The following CSMD1 variants were observed in gnomAD, a reference collection of about 807,000 sequenced individuals.
CSMD1 encodes the protein CUB and Sushi multiple domains 1, also known as CUB and sushi domain-containing protein 1.
In CSMD1, 213 loss-of-function variants were observed where a neutral mutation model predicts 417.5. The observed-to-expected ratio is 0.51, with a 90% CI of 0.46 to 0.57. The LOEUF (loss-of-function observed/expected upper bound fraction) is 0.57. Among genes scored for constraint, CSMD1 ranks in the 20% least tolerant of loss-of-function variants. The pLI is 0.00. For missense variants in CSMD1, 6,923 were observed against 4,529.7 expected (o/e 1.53, Z -15.17); for synonymous variants, 2,862 against 1,736.8 (o/e 1.65, Z -16.11).
At chr8:4,979,462 G>A (rs766057289) in intron 1 of CSMD1, among the ~76,000 whole-genome samples, 3 of 152,110 alleles carry the variant, frequency 2.0e-5, no homozygotes, top group Non-Finnish European at 4.4e-5. Flanking sequence ...GCCGTCAAAG[G>A]TACCTTTAGA....
At chr8:4,050,772 T>C (rs1798383701) in intron 3 of CSMD1, among the ~76,000 whole-genome samples, 1 of 152,292 alleles carries the variant, frequency 6.6e-6, no homozygotes, top group South Asian at 2.1e-4. Context: ...TGACCAAGTG[T>C]ATAAAATTCA....
In CSMD1 at chr8:3,015,536, A is replaced by T. The variant is rs1585153751; in HGVS notation, c.8029+2941T>A. Among the ~76,000 whole-genome samples, 3 of 152,126 alleles carry T rather than the reference A, an allele frequency of 2.0e-5. No homozygotes were observed. In the East Asian group the frequency reaches 5.8e-4, roughly 29 times the overall value. The stretch of plus-strand genomic sequence containing the variant: ...TCAGAATCACTTCTGAATAGTACTT[A>T]TGAATACCCATCTCATAACAATAGT... On this transcript the variant is annotated intron_variant, in intron 52 of 69. Transcript: ENST00000635120.
intron 2 of CSMD1, among the ~76,000 whole-genome samples, chr8:4,431,620 G>A (rs1251197787): frequency 1.2e-4 from 18 of 151,944 alleles, no homozygotes; most frequent in Non-Finnish European, 2.4e-4. Context: ...AAACCAAAAC[G>A]AAAAACAGAC....
chr8:4,264,127 T>A (rs1213021570), intron 3 of CSMD1, among the ~76,000 whole-genome samples: 3 of 152,112 alleles, frequency 2.0e-5, no homozygotes, highest in Non-Finnish European at 4.4e-5. Flanking sequence ...CATTTGTAGG[T>A]AAAGAATACA....
At chr8:4,168,789 C>T (rs1395238470) in intron 3 of CSMD1, among the ~76,000 whole-genome samples, 1 of 152,064 alleles carries the variant, frequency 6.6e-6, no homozygotes. Flanking sequence ...AAACTCTCCT[C>T]TTCCCTTTCA....
chr8:3,806,198 G>C (rs370372378), intron 5 of CSMD1, among the ~76,000 whole-genome samples: 3 of 152,142 alleles, frequency 2.0e-5, no homozygotes, highest in African/African-American at 7.2e-5. Flanking sequence ...TTCAAACGCA[G>C]AGTGCTTTGG....
chr8:3,843,108 G>C (rs888268451), intron 5 of CSMD1, among the ~76,000 whole-genome samples: 1 of 152,080 alleles, frequency 6.6e-6, no homozygotes, highest in East Asian at 1.9e-4. Context: ...TTATTCTTTA[G>C]AGAGTTTGAA....
intron 3 of CSMD1, among the ~76,000 whole-genome samples, chr8:4,378,628 C>T (rs906112532): frequency 6.6e-6 from 1 of 152,132 alleles, no homozygotes; most frequent in Non-Finnish European, 1.5e-5. Context: ...AGTTTGAAGA[C>T]AAAAAGAATA....
chr8:4,976,951 G>C (rs970821073), intron 1 of CSMD1, among the ~76,000 whole-genome samples: 3 of 152,124 alleles, frequency 2.0e-5, no homozygotes, highest in African/African-American at 4.8e-5. Flanking sequence ...GTGGAATGAG[G>C]GCAGATGCTG....
intron 5 of CSMD1, among the ~76,000 whole-genome samples, chr8:3,824,808 G>T (rs1321923560): frequency 6.6e-6 from 1 of 152,008 alleles, no homozygotes; most frequent in Non-Finnish European, 1.5e-5. Flanking sequence ...CTAAACTGAT[G>T]GATGAGCAAA....
At chr8:3,541,701 T>C (rs897985242) in intron 10 of CSMD1, among the ~76,000 whole-genome samples, 3 of 149,302 alleles carry the variant, frequency 2.0e-5, no homozygotes, top group Non-Finnish European at 4.5e-5. Flanking sequence ...GTTCAGAAAA[T>C]TCATTTTTCT....
At chr8:3,658,434 G>A (rs1001964370) in intron 7 of CSMD1, among the ~76,000 whole-genome samples, 1 of 144,764 alleles carries the variant, frequency 6.9e-6, no homozygotes, top group African/African-American at 2.5e-5. Context: ...GTTTTAATGA[G>A]CAAGCACATA....
At chr8:3,307,586 T>G in intron 25 of CSMD1, 109 bp downstream of exon 25, 2 of 1,265,590 alleles carry the variant, frequency 1.6e-6, no homozygotes, top group Non-Finnish European at 2.2e-6. Context: ...CTTTTCTTCT[T>G]TAGTTCAGAA....
chr8:3,896,747 T>G lies in CSMD1; in HGVS notation c.818+101156A>C, dbSNP rs73172302. 8.9e-3 allele frequency among the ~76,000 whole-genome samples: 1,347 copies of G among 152,194 alleles called. 5 individuals carry two copies. Among genetic ancestry groups the G allele is most frequent in the Non-Finnish European group, 0.014 (958 of 68,004 alleles). ...GGATGGTCTCGATCCTGAATATGTT[T>G]TTTTTAATTAAGAAATATACGTAAA... On this transcript the variant is annotated intron_variant, in intron 5 of 69. Coordinates refer to ENST00000635120, the MANE Select transcript of CSMD1 (RefSeq NM_033225.6).
intron 3 of CSMD1, among the ~76,000 whole-genome samples, chr8:4,215,158 A>G (rs1800564821): frequency 6.6e-6 from 1 of 152,190 alleles, no homozygotes. Context: ...ACGCATCCCA[A>G]ACAGGGGCTG....
At chr8:4,777,990 C>G (rs1349533661) in intron 1 of CSMD1, among the ~76,000 whole-genome samples, 3 of 152,184 alleles carry the variant, frequency 2.0e-5, no homozygotes, top group Non-Finnish European at 4.4e-5. Flanking sequence ...CTTTTGGTTT[C>G]ATGATGGCAA....
intron 6 of CSMD1, among the ~76,000 whole-genome samples, chr8:3,723,554 G>C (rs138534814): frequency 7.9e-4 from 121 of 152,246 alleles, no homozygotes; most frequent in Middle Eastern, 3.4e-3. Context: ...GTCAGCTATT[G>C]TTACCTAAAC....
intron 47 of CSMD1, among the ~76,000 whole-genome samples, chr8:3,094,397 G>A (rs1337397191): frequency 6.6e-6 from 1 of 152,142 alleles, no homozygotes; most frequent in Non-Finnish European, 1.5e-5. Context: ...GAGCCACTAA[G>A]CCTGGCCAGT....
chr8:4,773,326 T>G (rs1302651400), intron 1 of CSMD1, among the ~76,000 whole-genome samples: 1 of 152,170 alleles, frequency 6.6e-6, no homozygotes, highest in Non-Finnish European at 1.5e-5. Flanking sequence ...CAGTTCTGCC[T>G]TCTAAGCTCA....
Sources: gnomAD v4.1 joint callset for allele counts (sites outside exome capture counted in the v4.1 genomes callset) on GRCh38, gnomAD v4.1.1 for gene constraint, MANE v1.5 for transcripts, NCBI Gene and HGNC (gene_info 2026-07-23, HGNC 2026-07-21) for gene names.